Variants in SMARCA2 observed in about 807,000 individuals in gnomAD.
SMARCA2 encodes the protein SWI/SNF-related matrix-associated actin-dependent regulator of chromatin subfamily A member 2.
Under a neutral mutation model 199.8 loss-of-function variants are expected in SMARCA2, and 61 were observed. That is an observed-to-expected ratio of 0.31 (90% CI 0.25 to 0.38). SMARCA2 has a LOEUF of 0.38. Among genes scored for constraint, SMARCA2 ranks in the 10% least tolerant of loss-of-function variants. The pLI is 1.00. For synonymous variants in SMARCA2, 935 were observed against 732.0 expected, an observed-to-expected ratio of 1.28 and a Z score of -4.48; for missense variants, 1,344 against 2,012.2, an observed-to-expected ratio of 0.67 and a Z score of 6.35.
intron 21 of SMARCA2, among the ~76,000 whole-genome samples, chr9:2,099,179 G>C (rs772530963): frequency 1.3e-5 from 2 of 152,162 alleles, no homozygotes; most frequent in Non-Finnish European, 2.9e-5. Context: ...GTAAACTGAT[G>C]ATGTGTTATA....
intron 27 of SMARCA2, among the ~76,000 whole-genome samples, chr9:2,125,771 T>G (rs1386560904): frequency 6.6e-6 from 1 of 152,232 alleles, no homozygotes; most frequent in South Asian, 2.1e-4. Flanking sequence ...ATTACAGGCG[T>G]GAGCCACCGT....
chr9:2,063,342 A>G (rs1264364503), intron 9 of SMARCA2, among the ~76,000 whole-genome samples: 1 of 152,164 alleles, frequency 6.6e-6, no homozygotes, highest in Non-Finnish European at 1.5e-5. Context: ...AGCTGATTTG[A>G]CACTTTGGAT....
Position 2,048,875 on chromosome 9 carries a change from C to G in SMARCA2, c.1046+1391C>G, listed in dbSNP as rs372432961. Among the ~76,000 whole-genome samples, 53 of 152,258 alleles carry G rather than the reference C, an allele frequency of 3.5e-4. No individual in the cohort carries two copies. The South Asian group carries it at 0.01, about 29-fold the overall frequency. On this transcript the variant is annotated intron_variant, in intron 5 of 33. Coordinates refer to ENST00000349721, the MANE Select transcript of SMARCA2 (RefSeq NM_003070.5). ...TCAAATACTAGCATATTCCTCTATT[C>G]ATGTGCAATAGACTAATGTGCAGTA...
intron 15 of SMARCA2, 150 bp downstream of exon 15, chr9:2,082,145 T>TAG: frequency 2.9e-6 from 2 of 689,658 alleles, no homozygotes; most frequent in Non-Finnish European, 4.8e-6. Flanking sequence ...GGATTTAGGT[T>TAG]TTAATTTCCC....
At chr9:2,027,289 A>C (rs1478772200) in intron 1 of SMARCA2, among the ~76,000 whole-genome samples, 1 of 151,986 alleles carries the variant, frequency 6.6e-6, no homozygotes, top group East Asian at 1.9e-4. Flanking sequence ...AAAAGATAAA[A>C]AAAATTAGCT....
chr9:2,084,287 T>C, intron 17 of SMARCA2, 91 bp downstream of exon 17: 1 of 659,086 alleles, frequency 1.5e-6, no homozygotes, highest in Non-Finnish European at 2.6e-6. Flanking sequence ...ATTGGATCCT[T>C]AGATGGCTTG....
chr9:2,051,464 T>C (rs1040269134), intron 5 of SMARCA2, among the ~76,000 whole-genome samples: 1 of 152,094 alleles, frequency 6.6e-6, no homozygotes, highest in Non-Finnish European at 1.5e-5. Context: ...CCACCCCCCA[T>C]CTCCTCATTT....
chr9:2,136,790 A>T (rs1394355839), intron 27 of SMARCA2, among the ~76,000 whole-genome samples: 4 of 152,186 alleles, frequency 2.6e-5, no homozygotes, highest in Admixed American at 1.3e-4. Flanking sequence ...ATTGATAGAG[A>T]TTAAAATAAA....
intron 19 of SMARCA2, among the ~76,000 whole-genome samples, chr9:2,095,330 C>T (rs7039466): frequency 0.12 from 18,698 of 151,908 alleles, 1,228 homozygotes; most frequent in Admixed American, 0.15. Flanking sequence ...GTGATTCGCC[C>T]GCCTCGGCCT....
rs773045029 is a variant in SMARCA2, at chr9:2,039,638, T to C, written c.528T>C (p.Pro176=). The part of the protein sequence containing the change: ...QPNRGPSPFS[P]VQLHQLRAQI... ...ACAGAGGTCCCTCACCTTTCAGTCC[T>C]GTCCAGCTGCATCAGCTTCGAGCTC... Residue 176 remains proline, a synonymous_variant, in exon 4 of 34, where the codon CCT becomes CCC. Transcript: ENST00000349721. This position sits in a 1 kb window ranked among gnomAD's most constrained non-coding sequence, Gnocchi z 4.8. The C allele has an allele frequency of 4.1e-5, 66 of 1,614,244 alleles. No individual in the cohort carries two copies. In the East Asian group the frequency reaches 1.4e-3, roughly 35 times the overall value.
At position 2,094,116 on chromosome 9, in the gene SMARCA2, A is replaced by C. The variant is rs549483293; in HGVS notation, c.2884-2541A>C. Among the ~76,000 whole-genome samples the C allele has an allele frequency of 2.6e-5, 4 of 152,330 alleles. No homozygotes were observed. The South Asian group carries it at 6.2e-4, about 24-fold the overall frequency. ...AAAGGAGCCTTAAGACTAAGTAAGGATATCCCAGGCCTGGAGACAAGTACA... is the reference window on the plus strand; with the variant it reads ...AAAGGAGCCTTAAGACTAAGTAAGGCTATCCCAGGCCTGGAGACAAGTACA... On this transcript the variant is annotated intron_variant, in intron 19 of 33. Transcript: ENST00000349721.
intron 15 of SMARCA2, among the ~76,000 whole-genome samples, chr9:2,082,712 T>G (rs549968597): frequency 1.3e-5 from 2 of 152,262 alleles, no homozygotes; most frequent in African/African-American, 2.4e-5. Flanking sequence ...AATGCTGATA[T>G]GAACTTGGAC....
chr9:2,158,802 A>G (rs988718765), intron 27 of SMARCA2: 7 of 629,324 alleles, frequency 1.1e-5, no homozygotes, highest in Non-Finnish European at 1.8e-5. Context: ...TCTACTCTTT[A>G]TGTGCGAAAA....
chr9:2,182,446 G>A lies in SMARCA2; in HGVS notation c.4461+204G>A, dbSNP rs144177679. On this transcript the variant is annotated intron_variant, in intron 31 of 33. Coordinates refer to ENST00000349721, the MANE Select transcript of SMARCA2 (RefSeq NM_003070.5). ...ACCTTTGTACCACAGCTGTGCTAGC[G>A]CCTACTCACACTTCTTTTCAAAGCT... is the stretch of plus-strand genomic sequence containing the variant. 3.3e-3 allele frequency among the ~76,000 whole-genome samples: 490 copies of A among 146,456 alleles called. No individual in the cohort carries two copies. Among genetic ancestry groups the A allele is most frequent in the African/African-American group, 0.012 (473 of 39,616 alleles).
At chr9:2,054,148 TG>T (rs1820245832) in intron 5 of SMARCA2, among the ~76,000 whole-genome samples, 1 of 152,242 alleles carries the variant, frequency 6.6e-6, no homozygotes. Context: ...ATCAGCATCT[TG>T]GCAAAGAAGA....
At chr9:2,124,125 T>G (rs563794729) in intron 27 of SMARCA2, among the ~76,000 whole-genome samples, 188 bp downstream of exon 27, 2 of 152,300 alleles carry the variant, frequency 1.3e-5, no homozygotes, top group African/African-American at 2.4e-5. Flanking sequence ...CATGAAAAGA[T>G]AAAGGCGTTC....
chr9:2,146,442 T>A (rs1192184163), intron 27 of SMARCA2, among the ~76,000 whole-genome samples: 1 of 152,162 alleles, frequency 6.6e-6, no homozygotes, highest in Non-Finnish European at 1.5e-5. Flanking sequence ...ATCCCACCAC[T>A]TACTCAAAGT....
In SMARCA2 at chr9:2,055,222, G is replaced by A. The variant is rs190747115; in HGVS notation, c.1173+499G>A. Among the ~76,000 whole-genome samples, 722 of 152,304 alleles carry A rather than the reference G, an allele frequency of 4.7e-3. 2 individuals are homozygous for A. Among genetic ancestry groups the A allele is most frequent in the Non-Finnish European group, 7.1e-3 (485 of 68,018 alleles). On this transcript the variant is annotated intron_variant, in intron 6 of 33. Coordinates refer to ENST00000349721, the MANE Select transcript of SMARCA2 (RefSeq NM_003070.5). ...ATGTCTTATAGCTTATTTATTCACC[G>A]ATGTCTAAGTTTGGAGTGTTTGATC...
At chr9:2,117,053 A>G (rs940481980) in intron 25 of SMARCA2, among the ~76,000 whole-genome samples, 1 of 152,172 alleles carries the variant, frequency 6.6e-6, no homozygotes, top group Non-Finnish European at 1.5e-5. Flanking sequence ...ATCCCGACAA[A>G]CCCATCATAA....
Sources: gnomAD v4.1 joint callset for allele counts (sites outside exome capture counted in the v4.1 genomes callset) on GRCh38, gnomAD v4.1.1 for gene constraint, Gnocchi (gnomAD v3.1) non-coding constraint, MANE v1.5 for transcripts, NCBI Gene and HGNC (gene_info 2026-07-23, HGNC 2026-07-21) for gene names.